The following BBOX1 variants were observed in gnomAD, a reference collection of about 807,000 sequenced individuals.
BBOX1 encodes the protein gamma-butyrobetaine dioxygenase.
Under a neutral mutation model 41.6 loss-of-function variants are expected in BBOX1, and 35 were observed. The observed-to-expected ratio is 0.84, with a 90% CI of 0.64 to 1.11. The LOEUF is 1.11. BBOX1 is among the 50% of genes most tolerant of loss of function. BBOX1 has a pLI of 0.00. For synonymous variants in BBOX1, 163 were observed against 154.7 expected, an observed-to-expected ratio of 1.05 and a Z score of -0.40; for missense variants, 458 against 460.6, an observed-to-expected ratio of 0.99 and a Z score of 0.05.
At chr11:27,088,705 A>C (rs1858130748) in intron 4 of BBOX1, among the ~76,000 whole-genome samples, 1 of 152,006 alleles carries the variant, frequency 6.6e-6, no homozygotes, top group Non-Finnish European at 1.5e-5. Flanking sequence ...TCAAGTGTTT[A>C]TTTTATATGC....
At chr11:27,070,812 C>A (rs115158053) in intron 4 of BBOX1, among the ~76,000 whole-genome samples, 1 of 151,366 alleles carries the variant, frequency 6.6e-6, no homozygotes, top group Admixed American at 6.6e-5. Context: ...ATACTTTCTC[C>A]GTCATCATGT....
intron 5 of BBOX1, among the ~76,000 whole-genome samples, chr11:27,112,320 G>A (rs1413899043): frequency 6.6e-6 from 1 of 151,958 alleles, no homozygotes; most frequent in African/African-American, 2.4e-5. Context: ...GATAGCTATA[G>A]AAGTCACAGT....
At chr11:27,082,806 GTTTC>G (rs1479095787) in intron 4 of BBOX1, among the ~76,000 whole-genome samples, 5 of 152,070 alleles carry the variant, frequency 3.3e-5, no homozygotes, top group African/African-American at 9.7e-5. Flanking sequence ...GCCATTTATG[GTTTC>G]TTTATTATTT....
chr11:27,042,900 GTTAT>G (rs1455037823), intron 2 of BBOX1, among the ~76,000 whole-genome samples: 3 of 151,976 alleles, frequency 2.0e-5, no homozygotes, highest in Non-Finnish European at 4.4e-5. Context: ...AATTGATTTT[GTTAT>G]TTAAAGGTTA....
intron 4 of BBOX1, among the ~76,000 whole-genome samples, chr11:27,085,367 T>C (rs1486276036): frequency 2.0e-5 from 3 of 152,172 alleles, no homozygotes; most frequent in Non-Finnish European, 4.4e-5. Flanking sequence ...CTGTGTCACA[T>C]TTTGGCAATT....
chr11:27,086,594 G>A (rs1318695493), intron 4 of BBOX1, among the ~76,000 whole-genome samples: 2 of 152,122 alleles, frequency 1.3e-5, no homozygotes, highest in Non-Finnish European at 2.9e-5. Context: ...TTATTAAGAT[G>A]TACAAGGAGA....
At chr11:27,059,136 C>T (rs1564956688) in intron 4 of BBOX1, among the ~76,000 whole-genome samples, 1 of 151,526 alleles carries the variant, frequency 6.6e-6, no homozygotes, top group East Asian at 2.0e-4. Flanking sequence ...TGTGTAGCCT[C>T]GGGAGGCAGC....
chr11:27,124,720 C>T (rs571784931), intron 7 of BBOX1, among the ~76,000 whole-genome samples: 4 of 152,188 alleles, frequency 2.6e-5, no homozygotes, highest in African/African-American at 9.6e-5. Flanking sequence ...CAGGGTTTTG[C>T]CATGTTGGCC....
chr11:27,089,739 C>T (rs559140292), intron 4 of BBOX1, among the ~76,000 whole-genome samples: 5 of 152,068 alleles, frequency 3.3e-5, no homozygotes, highest in African/African-American at 1.2e-4. Flanking sequence ...TTCAATAAAT[C>T]TTTTAATGTT....
intron 2 of BBOX1, among the ~76,000 whole-genome samples, chr11:27,053,548 A>C (rs1856879538): frequency 6.6e-6 from 1 of 152,232 alleles, no homozygotes; most frequent in African/African-American, 2.4e-5. Flanking sequence ...ACCGGTTAAA[A>C]TGTACTACAT....
At chr11:27,106,161 T>C (rs1162174673) in intron 5 of BBOX1, among the ~76,000 whole-genome samples, 2 of 151,942 alleles carry the variant, frequency 1.3e-5, no homozygotes, top group African/African-American at 4.8e-5. Flanking sequence ...AGACCATCGA[T>C]GTTAGGAAGA....
intron 4 of BBOX1, among the ~76,000 whole-genome samples, chr11:27,080,616 T>C (rs1857802500): frequency 6.6e-6 from 1 of 152,078 alleles, no homozygotes; most frequent in African/African-American, 2.4e-5. Flanking sequence ...ATACCTATAA[T>C]ACATCAAGTA....
In BBOX1 at chr11:27,057,305, GT is replaced by G; in HGVS notation, c.330del (p.Pro111GlnfsTer21). ...QARAKLQRELFFPECQYWGSE... is the reference protein window; with the variant it reads ...QARAKLQRELXFPECQYWGSE... ...CCAGAGCAAAGCTCCAAAGAGAATT[GT>G]TTTTTCCAGGTAACTTTGCCAAAGT... On this transcript the variant is annotated frameshift_variant, in exon 4 of 9. Coordinates refer to ENST00000263182, the MANE Select transcript of BBOX1 (RefSeq NM_003986.3). LOFTEE classifies it high-confidence loss of function. 6.2e-7 allele frequency: 1 copy of G among 1,608,806 alleles called. No homozygotes were observed. Among genetic ancestry groups the G allele is most frequent in the Non-Finnish European group, 8.5e-7 (1 of 1,177,906 alleles).
At position 27,115,478 on chromosome 11, in the gene BBOX1, T is replaced by G; in HGVS notation, c.560T>G (p.Ile187Ser). Residue 187 changes from isoleucine (I) to serine (S), a missense_variant, in exon 6 of 9, where the codon ATC becomes AGC. Coordinates refer to ENST00000263182, the MANE Select transcript of BBOX1 (RefSeq NM_003986.3). ...YGHTWQVQDK[I>S]DANNVAYTTG... is the part of the protein sequence containing the mutation. ...CATACTTGGCAAGTGCAAGACAAAA[T>G]CGATGCAAACAATGTGGCTTACACA... 1 of 1,610,400 alleles carries G rather than the reference T, an allele frequency of 6.2e-7. No individual in the cohort carries two copies. The highest frequency in any genetic ancestry group is 8.5e-7 in the Non-Finnish European group (1 of 1,177,850).
At chr11:27,063,026 G>T (rs1439604066) in intron 4 of BBOX1, 2 of 152,164 alleles carry the variant, frequency 1.3e-5, no homozygotes, top group Non-Finnish European at 2.9e-5. Flanking sequence ...GAGTGACTGG[G>T]GTCAGGGTAA....
At chr11:27,045,488 G>T (rs1851462852) in intron 2 of BBOX1, among the ~76,000 whole-genome samples, 1 of 152,118 alleles carries the variant, frequency 6.6e-6, no homozygotes, top group African/African-American at 2.4e-5. Context: ...TTGTGTCAGA[G>T]GGCATCCTTG....
chr11:27,062,843 G>C (rs1173140375), intron 4 of BBOX1: 1 of 152,982 alleles, frequency 6.5e-6, no homozygotes, highest in African/African-American at 2.4e-5. Context: ...TTGCAGGCGT[G>C]AGCCACCGCG....
chr11:27,071,393 A>G (rs1857442840), intron 4 of BBOX1, among the ~76,000 whole-genome samples: 1 of 151,148 alleles, frequency 6.6e-6, no homozygotes, highest in Non-Finnish European at 1.5e-5. Context: ...AAAAAAAAAA[A>G]AGGGGGCTAA....
chr11:27,091,548 C>G (rs1172078368), intron 4 of BBOX1, among the ~76,000 whole-genome samples: 1 of 151,856 alleles, frequency 6.6e-6, no homozygotes, highest in Non-Finnish European at 1.5e-5. Flanking sequence ...TAAAACATGG[C>G]CCATGTGCTG....
Sources: allele counts gnomAD v4.1 joint callset (sites outside exome capture counted in the v4.1 genomes callset), GRCh38; gene constraint gnomAD v4.1.1; transcripts MANE v1.5; gene names NCBI Gene and HGNC (gene_info 2026-07-23, HGNC 2026-07-21).